Variants in KCNIP4 observed in about 807,000 individuals in gnomAD.
KCNIP4 encodes the protein potassium voltage-gated channel interacting protein 4.
A neutral mutation model predicts 34.0 loss-of-function variants in KCNIP4; 12 were observed. The observed-to-expected ratio is 0.35, with a 90% CI of 0.23 to 0.57. The LOEUF (loss-of-function observed/expected upper bound fraction) is 0.57. Ranked by LOEUF, KCNIP4 falls within the 20% of genes least tolerant of loss-of-function variation. The probability of loss-of-function intolerance (pLI) is 0.83; values close to 1 mark genes in which losing one functional copy is unlikely to be tolerated. For missense variants in KCNIP4, 238 were observed against 311.7 expected, an observed-to-expected ratio of 0.76 and a Z score of 1.78; for synonymous variants, 124 against 102.2, an observed-to-expected ratio of 1.21 and a Z score of -1.29.
At chr4:21,405,323 T>G (rs1484993051) in intron 1 of KCNIP4, among the ~76,000 whole-genome samples, 1 of 152,208 alleles carries the variant, frequency 6.6e-6, no homozygotes, top group Non-Finnish European at 1.5e-5. Flanking sequence ...ATCACAATGG[T>G]CATGAATAAA....
chr4:21,611,366 T>C (rs1744144259), intron 1 of KCNIP4, among the ~76,000 whole-genome samples: 2 of 152,002 alleles, frequency 1.3e-5, no homozygotes, highest in African/African-American at 4.8e-5. Context: ...TATAAAACCA[T>C]CAGATCTTAT....
chr4:21,572,518 C>A (rs1841374), intron 1 of KCNIP4, among the ~76,000 whole-genome samples: 3,097 of 152,160 alleles, frequency 0.02, 120 homozygotes, highest in African/African-American at 0.07. Flanking sequence ...ATATATGCAT[C>A]CTAATTCATG....
Position 21,826,943 on chromosome 4 carries a change from A to G in KCNIP4, c.61+121628T>C, listed in dbSNP as rs187207986. Among the ~76,000 whole-genome samples the G allele has an allele frequency of 2.0e-5, 3 of 152,222 alleles. No homozygotes were observed. In the East Asian group the frequency reaches 5.8e-4, roughly 29 times the overall value. ...AAAACTTTTCTGAGGCTGTTTCCACAATAGAAGTTTTAAAAATACACACAG... is the reference window on the plus strand; with the variant it reads ...AAAACTTTTCTGAGGCTGTTTCCACGATAGAAGTTTTAAAAATACACACAG... On this transcript the variant is annotated intron_variant, in intron 1 of 8. Transcript: ENST00000382152.
chr4:21,484,737 C>T (rs1731764997), intron 1 of KCNIP4, among the ~76,000 whole-genome samples: 2 of 152,184 alleles, frequency 1.3e-5, no homozygotes, highest in Non-Finnish European at 2.9e-5. Context: ...CAACTTGGCA[C>T]ATACAACAAG....
intron 1 of KCNIP4, among the ~76,000 whole-genome samples, chr4:21,776,678 A>G (rs1719201632): frequency 6.6e-6 from 1 of 152,130 alleles, no homozygotes; most frequent in East Asian, 1.9e-4. Context: ...CTAGGTGTTG[A>G]GGAAGAAACC....
At chr4:20,956,729 T>C (rs2149651533) in intron 1 of KCNIP4, among the ~76,000 whole-genome samples, 1 of 152,282 alleles carries the variant, frequency 6.6e-6, no homozygotes, top group South Asian at 2.1e-4. Flanking sequence ...AATTTGACTT[T>C]AAGCATCCTA....
chr4:20,811,966 A>T (rs1009974748), intron 3 of KCNIP4, among the ~76,000 whole-genome samples: 2 of 152,080 alleles, frequency 1.3e-5, no homozygotes, highest in African/African-American at 4.8e-5. Context: ...AAAAGAATAT[A>T]CCCTAAGAGA....
chr4:21,176,174 A>T (rs1754396268), intron 1 of KCNIP4, among the ~76,000 whole-genome samples: 1 of 152,228 alleles, frequency 6.6e-6, no homozygotes, highest in African/African-American at 2.4e-5. Context: ...GGGCTTTAAG[A>T]CCAAGACTGC....
intron 1 of KCNIP4, among the ~76,000 whole-genome samples, chr4:21,686,514 C>T (rs1359062801): frequency 6.6e-6 from 1 of 152,018 alleles, no homozygotes; most frequent in Non-Finnish European, 1.5e-5. Context: ...TATACATATA[C>T]TATGTTCCCC....
intron 1 of KCNIP4, among the ~76,000 whole-genome samples, chr4:21,002,048 C>T (rs1738183683): frequency 6.6e-6 from 1 of 152,198 alleles, no homozygotes; most frequent in South Asian, 2.1e-4. Context: ...AAACTGCAGA[C>T]TTAACAAGTC....
intron 1 of KCNIP4, among the ~76,000 whole-genome samples, chr4:21,145,273 A>G (rs891159407): frequency 3.6e-4 from 55 of 152,222 alleles, no homozygotes; most frequent in African/African-American, 1.2e-3. Flanking sequence ...TTCTTTTTCC[A>G]TTTTTAGTAA....
At chr4:21,247,476 T>C (rs190750612) in intron 1 of KCNIP4, among the ~76,000 whole-genome samples, 186 of 151,056 alleles carry the variant, frequency 1.2e-3, no homozygotes, top group Non-Finnish European at 2.2e-3. Context: ...GTGTAGTTCT[T>C]GTTCCCTAGA....
chr4:21,172,120 C>A (rs539489015), intron 1 of KCNIP4, among the ~76,000 whole-genome samples: 1 of 152,190 alleles, frequency 6.6e-6, no homozygotes, highest in African/African-American at 2.4e-5. Flanking sequence ...CTCTGCCTCC[C>A]GGGTTCAAGC....
chr4:21,089,733 G>A (rs2109040776), intron 1 of KCNIP4, among the ~76,000 whole-genome samples: 1 of 152,078 alleles, frequency 6.6e-6, no homozygotes, highest in Non-Finnish European at 1.5e-5. Context: ...TCATTCTTGG[G>A]CCATTGCAAC....
At chr4:21,110,871 G>T (rs1749105381) in intron 1 of KCNIP4, among the ~76,000 whole-genome samples, 1 of 152,140 alleles carries the variant, frequency 6.6e-6, no homozygotes, top group African/African-American at 2.4e-5. Flanking sequence ...AGAACCGTGA[G>T]AAATACATTT....
intron 1 of KCNIP4, among the ~76,000 whole-genome samples, chr4:21,229,713 A>G (rs1299305015): frequency 6.6e-6 from 1 of 152,128 alleles, no homozygotes; most frequent in African/African-American, 2.4e-5. Flanking sequence ...TTTAGAAGGC[A>G]TCATTGGAGG....
At chr4:21,429,604 A>G (rs1726257871) in intron 1 of KCNIP4, among the ~76,000 whole-genome samples, 1 of 152,172 alleles carries the variant, frequency 6.6e-6, no homozygotes, top group African/African-American at 2.4e-5. Context: ...TCCCAACAAC[A>G]GTGAATGAGA....
Position 21,948,770 on chromosome 4 carries a change from T to A in KCNIP4, c.-139A>T. On this transcript the variant is annotated 5_prime_UTR_variant, in exon 1 of 9. Transcript: ENST00000382152. ...TGGGAGCGAGAGCTTCGGCGGCGGC[T>A]GCGGGCAGGGCGCGCGGAGCGGGCT... is the stretch of plus-strand genomic sequence containing the variant. 5.3e-6 allele frequency: 6 copies of A among 1,135,636 alleles called. No homozygotes were observed. The highest frequency in any genetic ancestry group is 6.5e-6 in the Non-Finnish European group (6 of 916,488). The allele number at this position is 1,135,636 out of a possible 1,614,324, so 70.3% of individuals were successfully genotyped here. A position where few individuals can be genotyped will look rare whatever the true frequency, so the allele number is the denominator to read the frequency against.
chr4:21,583,078 TATA>T (rs1302829197), intron 1 of KCNIP4, among the ~76,000 whole-genome samples: 3 of 151,990 alleles, frequency 2.0e-5, no homozygotes, highest in Admixed American at 2.0e-4. Flanking sequence ...TGTCCATGCT[TATA>T]ATGTTTCCAT....
Sources: allele counts gnomAD v4.1 joint callset (sites outside exome capture counted in the v4.1 genomes callset), GRCh38; gene constraint gnomAD v4.1.1; transcripts MANE v1.5; gene names NCBI Gene and HGNC (gene_info 2026-07-23, HGNC 2026-07-21).